The following PIP5K1C variants were observed in gnomAD, a reference collection of about 807,000 sequenced individuals.
PIP5K1C encodes phosphatidylinositol-4-phosphate 5-kinase type 1 gamma.
PIP5K1C carries 45 observed loss-of-function variants against 80.1 expected under a neutral mutation model. That is an observed-to-expected ratio of 0.56 (90% CI 0.44 to 0.72). PIP5K1C has a LOEUF of 0.72. Among genes scored for constraint, PIP5K1C ranks in the 30% least tolerant of loss-of-function variants. The pLI, the probability that PIP5K1C is intolerant of heterozygous loss-of-function variation, is 0.00. For missense variants in PIP5K1C, 753 were observed against 954.6 expected (o/e 0.79, Z 2.78); for synonymous variants, 498 against 420.1 (o/e 1.19, Z -2.27).
At chr19:3,643,198 C>T (rs892082357) in intron 13 of PIP5K1C, 45 bp downstream of exon 13, 1 of 1,609,654 alleles carries the variant, frequency 6.2e-7, no homozygotes, top group Non-Finnish European at 8.5e-7. Flanking sequence ...CGCCCCCACG[C>T]ACAGCGGATG....
At chr19:3,656,053 C>T (rs940913148) in intron 6 of PIP5K1C, among the ~76,000 whole-genome samples, 17 of 152,208 alleles carry the variant, frequency 1.1e-4, no homozygotes, top group African/African-American at 3.9e-4. Context: ...CTTGGGCCTC[C>T]GTGGCAGCTG....
chr19:3,674,466 C>G (rs1431107526), intron 1 of PIP5K1C, among the ~76,000 whole-genome samples: 1 of 149,768 alleles, frequency 6.7e-6, no homozygotes, highest in Non-Finnish European at 1.5e-5. Context: ...GATTCTCCTG[C>G]CTCAGCCTCC....
chr19:3,683,210 G>A (rs1412835975), intron 1 of PIP5K1C, among the ~76,000 whole-genome samples: 3 of 152,130 alleles, frequency 2.0e-5, no homozygotes, highest in East Asian at 1.9e-4. Context: ...CCAGGGCAGC[G>A]ACTTCATCTT....
intron 1 of PIP5K1C, among the ~76,000 whole-genome samples, chr19:3,678,173 GGGATGGA>G (rs1056481890): frequency 7.2e-6 from 1 of 139,208 alleles, no homozygotes; most frequent in East Asian, 2.3e-4. Flanking sequence ...GAGAGATGGA[GGGATGGA>G]GGATGGAGAA....
rs981847610 is a variant in PIP5K1C, at chr19:3,688,884, CT to C, written c.94+11412del. Among the ~76,000 whole-genome samples, 1 of 151,244 alleles carries C rather than the reference CT, an allele frequency of 6.6e-6. No homozygotes were observed. Among genetic ancestry groups the C allele is most frequent in the African/African-American group, 2.4e-5 (1 of 41,270 alleles). ...AGCCGAATACATGCCCCCGGTCCCC[CT>C]TCCAGCCTTGTCCCCAACACAGCCT... On this transcript the variant is annotated intron_variant, in intron 1 of 17. Transcript: ENST00000335312. This position sits in a 1 kb window ranked among gnomAD's most constrained non-coding sequence, Gnocchi z 5.3.
intron 16 of PIP5K1C, chr19:3,636,877 A>G: frequency 1.0e-6 from 1 of 995,956 alleles, no homozygotes; most frequent in Non-Finnish European, 1.2e-6. Flanking sequence ...CTTATTGGTC[A>G]TAATGACAAC....
Position 3,637,114 on chromosome 19 carries a change from A to C in PIP5K1C, c.1920+1770T>G. 1 of 1,347,574 alleles carries C rather than the reference A, an allele frequency of 7.4e-7. No individual in the cohort carries two copies. Among genetic ancestry groups the C allele is most frequent in the Non-Finnish European group, 9.6e-7 (1 of 1,046,070 alleles). The allele number at this position is 1,347,574 out of a possible 1,614,324, so 83.5% of individuals were successfully genotyped here. Reference sequence around the variant, plus strand: ...GCCCGGCCCTGCAGCCACTCTGCTGACCTGTGCAACCTCCCCTGTGCAGCC... The same window carrying C: ...GCCCGGCCCTGCAGCCACTCTGCTGCCCTGTGCAACCTCCCCTGTGCAGCC... On this transcript the variant is annotated intron_variant, in intron 16 of 17. Transcript: ENST00000335312. The surrounding 1 kb of genome is among the most constrained non-coding windows in gnomAD (Gnocchi z 7.0).
rs569839703 is a variant in PIP5K1C, at chr19:3,696,140, G to A, written c.94+4157C>T. Among the ~76,000 whole-genome samples the A allele has an allele frequency of 9.8e-5, 15 of 152,290 alleles. No homozygotes were observed. Among genetic ancestry groups the A allele is most frequent in the African/African-American group, 2.6e-4 (11 of 41,548 alleles). On this transcript the variant is annotated intron_variant, in intron 1 of 17. Coordinates refer to ENST00000335312, the MANE Select transcript of PIP5K1C (RefSeq NM_012398.3). The surrounding 1 kb of genome is among the most constrained non-coding windows in gnomAD (Gnocchi z 4.1). ...ACACTACACTGTGCTCCAGGCAGGC[G>A]GGGCCTCTGCTGGGGCCATGCCCTC... is the stretch of plus-strand genomic sequence containing the variant.
chr19:3,636,222 G>C (rs1001229624), intron 16 of PIP5K1C, among the ~76,000 whole-genome samples: 2 of 152,172 alleles, frequency 1.3e-5, no homozygotes, highest in Non-Finnish European at 2.9e-5. Flanking sequence ...TGGGGGGACA[G>C]AGAGGGACAC....
intron 1 of PIP5K1C, among the ~76,000 whole-genome samples, chr19:3,668,911 G>A (rs942166785): frequency 2.0e-5 from 3 of 152,204 alleles, no homozygotes; most frequent in African/African-American, 4.8e-5. Flanking sequence ...ACGCTGCACG[G>A]ATAACAGCAG....
intron 5 of PIP5K1C, among the ~76,000 whole-genome samples, chr19:3,656,996 T>G (rs998350893): frequency 1.3e-5 from 2 of 152,202 alleles, no homozygotes; most frequent in African/African-American, 4.8e-5. Flanking sequence ...TACCTGCGTA[T>G]TTGCCCTTCT....
intron 1 of PIP5K1C, among the ~76,000 whole-genome samples, chr19:3,687,499 G>GCACACATGCACACGCC (rs534300467): frequency 1.3e-5 from 2 of 151,026 alleles, no homozygotes; most frequent in Non-Finnish European, 2.9e-5. Context: ...GCACATACAC[G>GCACACATGCACACGCC]CACACATGCA....
intron 13 of PIP5K1C, 47 bp from the exon 14 acceptor site, chr19:3,642,986 G>C: frequency 6.2e-7 from 1 of 1,605,958 alleles, no homozygotes; most frequent in Non-Finnish European, 8.5e-7. Context: ...AGAGTGGCCC[G>C]CCTGCTCAGT....
intron 1 of PIP5K1C, among the ~76,000 whole-genome samples, chr19:3,689,205 C>T (rs1440124179): frequency 6.6e-6 from 1 of 152,126 alleles, no homozygotes; most frequent in Admixed American, 6.6e-5. Flanking sequence ...AATAACACGC[C>T]TTGAAATAAA....
At position 3,638,858 on chromosome 19, in the gene PIP5K1C, C is replaced by T. The variant is rs2286435; in HGVS notation, c.1920+26G>A. The T allele has an allele frequency of 0.06, 96,045 of 1,612,380 alleles. 4,866 individuals are homozygous for T. Among genetic ancestry groups the T allele is most frequent in the African/African-American group, 0.21 (16,046 of 74,910 alleles). The stretch of plus-strand genomic sequence containing the variant: ...AGAGAGAGTCCGGTTGACGAGCCGG[C>T]GGCAGGAGGAGCCCGGGGCACTTAC... On this transcript the variant is annotated intron_variant, in intron 16 of 17. Transcript: ENST00000335312.
chr19:3,648,028 TTC>T lies in PIP5K1C; in HGVS notation c.1211+595_1211+596del, dbSNP rs2034302693. On this transcript the variant is annotated intron_variant, in intron 9 of 17. Transcript: ENST00000335312. This position sits in a 1 kb window ranked among gnomAD's most constrained non-coding sequence, Gnocchi z 4.3. ...AAACCCACTCCTTGGATTTTCTTTT[TTC>T]TTTTTTTTTGGGACAGGGTCTTGCT... Among the ~76,000 whole-genome samples the T allele has an allele frequency of 6.6e-6, 1 of 152,058 alleles. No homozygotes were observed.
rs766236094 is a variant in PIP5K1C at position 3,660,948 on chromosome 19, A to G, written c.468+18T>C. ...TTCTGTTTCAAGCCTGGAAGCCCGTAACAGCAAATATGCTTACCAAGTAAT... is the reference window on the plus strand; with the variant it reads ...TTCTGTTTCAAGCCTGGAAGCCCGTGACAGCAAATATGCTTACCAAGTAAT... On this transcript the variant is annotated intron_variant, in intron 5 of 17. Transcript: ENST00000335312. 1 of 1,597,390 alleles carries G rather than the reference A, an allele frequency of 6.3e-7. No individual in the cohort carries two copies. The highest frequency in any genetic ancestry group is 1.7e-5 in the Admixed American group (1 of 59,954).
chr19:3,697,557 G>A (rs951945740), intron 1 of PIP5K1C, among the ~76,000 whole-genome samples: 1 of 152,116 alleles, frequency 6.6e-6, no homozygotes, highest in African/African-American at 2.4e-5. Flanking sequence ...AGAGGCAGAG[G>A]ACAGGGAAGG....
At chr19:3,657,263 T>TCCGTGCAGGTGGAAGTTTTTTGTGTCA (rs2034664001) in intron 5 of PIP5K1C, among the ~76,000 whole-genome samples, 1 of 152,154 alleles carries the variant, frequency 6.6e-6, no homozygotes, top group African/African-American at 2.4e-5. Flanking sequence ...AGGCAGAAGG[T>TCCGTGCAGGTGGAAGTTTTTTGTGTCA]CCGTGCAGGT....
Sources: allele counts gnomAD v4.1 joint callset (sites outside exome capture counted in the v4.1 genomes callset), GRCh38; gene constraint gnomAD v4.1.1; non-coding constraint Gnocchi (gnomAD v3.1); transcripts MANE v1.5; gene names NCBI Gene and HGNC (gene_info 2026-07-23, HGNC 2026-07-21).